Variants in ZNF761 observed in about 807,000 individuals in gnomAD.
ZNF761 encodes the protein zinc finger protein 761.
A neutral mutation model predicts 59.9 loss-of-function variants in ZNF761; 43 were observed. That is an observed-to-expected ratio of 0.72 (90% CI 0.56 to 0.92). The LOEUF is 0.92. Ranked by LOEUF, ZNF761 falls within the 40% of genes least tolerant of loss-of-function variation. The pLI is 0.00. For missense variants in ZNF761, 850 were observed against 906.1 expected, an observed-to-expected ratio of 0.94 and a Z score of 0.79; for synonymous variants, 294 against 304.8, an observed-to-expected ratio of 0.96 and a Z score of 0.37.
At chr19:53,443,900 C>G (rs1386883161) in intron 1 of ZNF761, 1 of 147,322 alleles carries the variant, frequency 6.8e-6, no homozygotes, top group African/African-American at 2.6e-5. Flanking sequence ...TAATCTGTAA[C>G]CCTAGCCCCA....
chr19:53,444,654 C>T (rs1427384510), intron 1 of ZNF761: 3 of 152,198 alleles, frequency 2.0e-5, no homozygotes, highest in Non-Finnish European at 4.4e-5. Context: ...TCCTCTGGGC[C>T]CAGTGTTCTT....
chr19:53,449,962 A>T (rs1474956310), intron 4 of ZNF761: 3 of 508,022 alleles, frequency 5.9e-6, no homozygotes, highest in Non-Finnish European at 1.0e-5. Context: ...AGCTGAGATT[A>T]CAGGTGCCAA....
At chr19:53,449,875 C>A in intron 4 of ZNF761, 1 of 879,840 alleles carries the variant, frequency 1.1e-6, no homozygotes, top group South Asian at 1.9e-5. Context: ...TGTTTTCTTT[C>A]CAGACAGGGT....
chr19:53,434,334 TC>T (rs2086012195), intron 1 of ZNF761, among the ~76,000 whole-genome samples: 1 of 152,190 alleles, frequency 6.6e-6, no homozygotes, highest in Admixed American at 6.5e-5. Flanking sequence ...TTCAAGTTTC[TC>T]CCTGTTGCAG....
intron 3 of ZNF761, 97 bp from the exon 4 acceptor site, chr19:53,449,415 G>A: frequency 1.2e-6 from 2 of 1,602,994 alleles, no homozygotes; most frequent in Non-Finnish European, 1.7e-6. Flanking sequence ...AACATTCACT[G>A]CATTTAAATC....
intron 1 of ZNF761, among the ~76,000 whole-genome samples, chr19:53,445,876 C>T (rs2086153584): frequency 6.6e-6 from 1 of 152,174 alleles, no homozygotes; most frequent in African/African-American, 2.4e-5. Flanking sequence ...AGCCCAACTC[C>T]TCACTGTGGC....
chr19:53,432,120 T>C (rs1264106092), intron 1 of ZNF761, 92 bp downstream of exon 1: 1 of 152,306 alleles, frequency 6.6e-6, no homozygotes, highest in Non-Finnish European at 1.5e-5. Flanking sequence ...ACCTGGAAAT[T>C]CTCAGCCGTC....
chr19:53,436,265 C>T (rs1028322413), intron 1 of ZNF761, among the ~76,000 whole-genome samples: 10 of 152,166 alleles, frequency 6.6e-5, no homozygotes, highest in African/African-American at 1.4e-4. Flanking sequence ...ACTTTTTAAC[C>T]TAAACAGAGT....
chr19:53,435,808 C>T (rs999345352), intron 1 of ZNF761, among the ~76,000 whole-genome samples: 40 of 151,990 alleles, frequency 2.6e-4, no homozygotes, highest in Non-Finnish European at 5.4e-4. Flanking sequence ...CAGAAGAGGG[C>T]CTTGCCTGGC....
intron 4 of ZNF761, among the ~76,000 whole-genome samples, chr19:53,451,635 T>G (rs1237635116): frequency 6.6e-6 from 1 of 151,822 alleles, no homozygotes; most frequent in African/African-American, 2.4e-5. Context: ...CAGGCTGGAG[T>G]GCGGTGGTGC....
chr19:53,435,020 G>A (rs1405561089), intron 1 of ZNF761, among the ~76,000 whole-genome samples: 10 of 152,168 alleles, frequency 6.6e-5, no homozygotes, highest in Admixed American at 6.5e-4. Context: ...ACACGTATGG[G>A]GTAACCTGCA....
chr19:53,436,440 G>A (rs1388302947), intron 1 of ZNF761, among the ~76,000 whole-genome samples: 1 of 152,124 alleles, frequency 6.6e-6, no homozygotes, highest in East Asian at 1.9e-4. Flanking sequence ...TATGATTAGG[G>A]CAGGCCGACT....
At chr19:53,440,672 T>C (rs963832650) in intron 1 of ZNF761, among the ~76,000 whole-genome samples, 25 of 138,906 alleles carry the variant, frequency 1.8e-4, no homozygotes, top group Admixed American at 1.7e-3. Flanking sequence ...ATACTTTTAA[T>C]TAAATTAATT....
At chr19:53,435,329 A>AGTT (rs1276998702) in intron 1 of ZNF761, among the ~76,000 whole-genome samples, 2 of 51,200 alleles carry the variant, frequency 3.9e-5, no homozygotes, top group African/African-American at 1.9e-4. Context: ...TTTGAGATGG[A>AGTT]GTTTTGCTCT....
intron 1 of ZNF761, among the ~76,000 whole-genome samples, chr19:53,432,726 A>G (rs1035625587): frequency 4.6e-5 from 7 of 152,204 alleles, no homozygotes; most frequent in African/African-American, 1.7e-4. Context: ...AAGAATGAGA[A>G]AGACCTATAA....
chr19:53,438,731 C>T (rs571182848), intron 1 of ZNF761, among the ~76,000 whole-genome samples: 1 of 152,280 alleles, frequency 6.6e-6, no homozygotes, highest in East Asian at 1.9e-4. Flanking sequence ...CCTCTCATAG[C>T]CAAACCAGTG....
chr19:53,447,431 C>G, intron 3 of ZNF761, 148 bp downstream of exon 3: 1 of 1,216,222 alleles, frequency 8.2e-7, no homozygotes, highest in Admixed American at 1.8e-5. Flanking sequence ...CCTCTTATCT[C>G]GCTTAGATTC....
At chr19:53,449,417 A>T (rs1373383542) in intron 3 of ZNF761, 95 bp from the exon 4 acceptor site, 37 of 1,603,216 alleles carry the variant, frequency 2.3e-5, no homozygotes, top group Non-Finnish European at 3.2e-5. Context: ...CATTCACTGC[A>T]TTTAAATCCA....
intron 1 of ZNF761, among the ~76,000 whole-genome samples, chr19:53,438,801 T>G (rs542738349): frequency 4.8e-4 from 73 of 152,322 alleles, no homozygotes; most frequent in African/African-American, 1.6e-3. Flanking sequence ...ATTTGGGCTT[T>G]CTTTTTTGAT....
Sources: gnomAD v4.1 joint callset for allele counts (sites outside exome capture counted in the v4.1 genomes callset) on GRCh38, gnomAD v4.1.1 for gene constraint, MANE v1.5 for transcripts, NCBI Gene and HGNC (gene_info 2026-07-23, HGNC 2026-07-21) for gene names.